FBXO25: variants seen among roughly 807,000 people sequenced by gnomAD.
FBXO25 encodes the protein F-box protein 25, also known as F-box only protein 25.
FBXO25 carries 45 observed loss-of-function variants against 51.9 expected under a neutral mutation model. The ratio of observed to expected loss-of-function variants is 0.87; its 90% confidence interval spans 0.68 to 1.11. The LOEUF is 1.11. Ranked by LOEUF, FBXO25 falls within the 50% of genes most tolerant of loss-of-function variation. The pLI, the probability that FBXO25 is intolerant of heterozygous loss-of-function variation, is 0.00. For missense variants in FBXO25, 507 were observed against 428.5 expected, an observed-to-expected ratio of 1.18 and a Z score of -1.62; for synonymous variants, 199 against 151.0, an observed-to-expected ratio of 1.32 and a Z score of -2.33.
At chr8:407,561 C>A (rs1404473797) in intron 1 of FBXO25, 1 of 525,452 alleles carries the variant, frequency 1.9e-6, no homozygotes, top group Non-Finnish European at 2.4e-6. Context: ...CCCGCCCCCA[C>A]CCTCCTGGGC....
intron 1 of FBXO25, among the ~76,000 whole-genome samples, 191 bp from the exon 2 acceptor site, chr8:412,882 T>TA (rs1363885533): frequency 3.3e-5 from 5 of 152,196 alleles, no homozygotes; most frequent in African/African-American, 1.2e-4. Flanking sequence ...CACGTTTACT[T>TA]ACCCCATTTG....
intron 2 of FBXO25, among the ~76,000 whole-genome samples, chr8:428,119 A>T (rs1420694197): frequency 6.6e-6 from 1 of 152,066 alleles, no homozygotes; most frequent in African/African-American, 2.4e-5. Context: ...TTCTACTTGG[A>T]GTTGTTTTGT....
chr8:464,416 C>T (rs1415919642), intron 9 of FBXO25, among the ~76,000 whole-genome samples: 1 of 152,210 alleles, frequency 6.6e-6, no homozygotes, highest in East Asian at 1.9e-4. Flanking sequence ...CCCTGCTGAG[C>T]TGCTGGCTGC....
chr8:463,712 A>G (rs1488754104), intron 9 of FBXO25, among the ~76,000 whole-genome samples: 1 of 152,246 alleles, frequency 6.6e-6, no homozygotes, highest in East Asian at 1.9e-4. Flanking sequence ...CTTATCTGCA[A>G]GTCTCATCCC....
At chr8:433,936 C>G (rs1305847038) in intron 4 of FBXO25, among the ~76,000 whole-genome samples, 3 of 152,180 alleles carry the variant, frequency 2.0e-5, no homozygotes, top group Non-Finnish European at 4.4e-5. Context: ...AGAATCTAAC[C>G]TAGTTTGTGA....
chr8:470,935 TAAAAG>T lies in FBXO25; in HGVS notation c.*2132_*2136del, dbSNP rs1159579759. Reference sequence around the variant, plus strand: ...GTCTTTTTTCATGTTAGTTTCTTCTTAAAAGGAAACTATCCTTTTGAAGTTGTGGT... The same window carrying T: ...GTCTTTTTTCATGTTAGTTTCTTCTTGAAACTATCCTTTTGAAGTTGTGGT... On this transcript the variant is annotated 3_prime_UTR_variant, in exon 10 of 10. Coordinates refer to ENST00000350302, the MANE Select transcript of FBXO25 (RefSeq NM_183420.2). The T allele has an allele frequency of 6.6e-6, 1 of 152,234 alleles. No homozygotes were observed. Among genetic ancestry groups the T allele is most frequent in the Non-Finnish European group, 1.5e-5 (1 of 68,038 alleles). 9.4% of individuals were successfully genotyped at this position (152,234 alleles called of 1,614,324 possible). A position where few individuals can be genotyped will look rare whatever the true frequency, so the allele number is the denominator to read the frequency against.
chr8:455,246 T>C (rs917660021), intron 7 of FBXO25, among the ~76,000 whole-genome samples: 1 of 152,308 alleles, frequency 6.6e-6, no homozygotes, highest in East Asian at 1.9e-4. Context: ...CCAAGGGTCA[T>C]TGAAAGGTCC....
intron 1 of FBXO25, among the ~76,000 whole-genome samples, chr8:407,930 A>T (rs997540150): frequency 6.6e-6 from 1 of 152,190 alleles, no homozygotes; most frequent in East Asian, 1.9e-4. Context: ...TTTGAAGACT[A>T]AAGAATCTAG....
Position 477,407 on chromosome 8 carries a change from T to A in FBXO25, c.*8603T>A, listed in dbSNP as rs1220119477. 6.6e-6 allele frequency: 1 copy of A among 152,278 alleles called. No homozygotes were observed. Among genetic ancestry groups the A allele is most frequent in the Non-Finnish European group, 1.5e-5 (1 of 68,056 alleles). The allele number at this position is 152,278 out of a possible 1,614,324, so 9.4% of individuals were successfully genotyped here. A position where few individuals can be genotyped will look rare whatever the true frequency, so the allele number is the denominator to read the frequency against. On this transcript the variant is annotated 3_prime_UTR_variant, in exon 10 of 10. Coordinates refer to ENST00000350302, the MANE Select transcript of FBXO25 (RefSeq NM_183420.2). ...CTATCCATTTCTTCCTTTGATTCTG[T>A]CAATGTTTGTTTCATATATTTTGGG...
In FBXO25 at chr8:435,505, A is replaced by C. The variant is rs1247962281; in HGVS notation, c.289-110A>C. ...AATCTAAAATCAGTCTTCAAAATAA[A>C]AACAAATTGTCCTTTGCCAAAAATT... On this transcript the variant is annotated intron_variant, in intron 4 of 9. Transcript: ENST00000350302. 9.1e-6 allele frequency: 10 copies of C among 1,104,728 alleles called. No homozygotes were observed. The East Asian group carries it at 2.3e-4, about 26-fold the overall frequency. The allele number at this position is 1,104,728 out of a possible 1,614,324, so 68.4% of individuals were successfully genotyped here.
intron 7 of FBXO25, among the ~76,000 whole-genome samples, chr8:457,522 G>C (rs1323437457): frequency 6.6e-6 from 1 of 152,208 alleles, no homozygotes. Context: ...TGAAGTCATA[G>C]AAATGTAAAG....
intron 6 of FBXO25, 42 bp downstream of exon 6, chr8:450,125 A>C: frequency 6.9e-7 from 1 of 1,448,694 alleles, no homozygotes; most frequent in Non-Finnish European, 9.6e-7. Flanking sequence ...AATCTTAATT[A>C]GAAATTTGGT....
chr8:413,829 G>A (rs113315994), intron 2 of FBXO25, among the ~76,000 whole-genome samples: 103 of 152,302 alleles, frequency 6.8e-4, no homozygotes, highest in African/African-American at 2.1e-3. Context: ...GAGCACTAGC[G>A]CAAGGGATGC....
rs1277406299 is a variant in FBXO25, at chr8:409,530, A to G, written c.-8+2464A>G. ...AAAAGAATTGGTTATATTAATGGAAACAGTAGGCAGGCTCTTTATGTAAAT... is the reference window on the plus strand; with the variant it reads ...AAAAGAATTGGTTATATTAATGGAAGCAGTAGGCAGGCTCTTTATGTAAAT... On this transcript the variant is annotated intron_variant, in intron 1 of 9. Transcript: ENST00000350302. 2.6e-4 allele frequency among the ~76,000 whole-genome samples: 39 copies of G among 152,234 alleles called. 1 individual carries two copies. Among genetic ancestry groups the G allele is most frequent in the Admixed American group, 2.6e-3 (39 of 15,282 alleles).
intron 2 of FBXO25, 81 bp downstream of exon 2, chr8:413,294 C>T (rs1293049226): frequency 2.2e-6 from 3 of 1,374,378 alleles, no homozygotes; most frequent in Non-Finnish European, 2.8e-6. Flanking sequence ...CCCTGCAAAG[C>T]TCCATAACTT....
rs189523692 is a variant in FBXO25 at position 445,084 on chromosome 8, G to A, written c.382-4906G>A. 1.1e-4 allele frequency among the ~76,000 whole-genome samples: 16 copies of A among 152,126 alleles called. 1 individual carries two copies. Among genetic ancestry groups the A allele is most frequent in the African/African-American group, 1.9e-4 (8 of 41,478 alleles). On this transcript the variant is annotated intron_variant, in intron 5 of 9. Transcript: ENST00000350302. The stretch of plus-strand genomic sequence containing the variant: ...ACAGTTTCTTTGTTAATTGTCTTTC[G>A]CCCTGTTATCTTAATTACCAGTTTA...
rs1005857495 is a variant in FBXO25 at position 471,886 on chromosome 8, A to G, written c.*3082A>G. 16 of 152,196 alleles carry G rather than the reference A, an allele frequency of 1.1e-4. No homozygotes were observed. Among genetic ancestry groups the G allele is most frequent in the African/African-American group, 3.1e-4 (13 of 41,444 alleles). The allele number at this position is 152,196 out of a possible 1,614,324, so 9.4% of individuals were successfully genotyped here. A position where few individuals can be genotyped will look rare whatever the true frequency, so the allele number is the denominator to read the frequency against. On this transcript the variant is annotated 3_prime_UTR_variant, in exon 10 of 10. Transcript: ENST00000350302. ...GCAAACTGTGTCTACTTTATGGAAAAAATTTAACCATCTGTGAACAGTTTT... is the reference window on the plus strand; with the variant it reads ...GCAAACTGTGTCTACTTTATGGAAAGAATTTAACCATCTGTGAACAGTTTT...
At chr8:415,947 G>A (rs1796773075) in intron 2 of FBXO25, among the ~76,000 whole-genome samples, 1 of 152,190 alleles carries the variant, frequency 6.6e-6, no homozygotes, top group Admixed American at 6.5e-5. Context: ...GCGCTGTTGA[G>A]GATATATAAG....
At chr8:423,911 C>T (rs1232032161) in intron 2 of FBXO25, among the ~76,000 whole-genome samples, 1 of 152,166 alleles carries the variant, frequency 6.6e-6, no homozygotes, top group Non-Finnish European at 1.5e-5. Flanking sequence ...TTCCCGTCAA[C>T]AGTGTATAAG....
Sources: allele counts gnomAD v4.1 joint callset (sites outside exome capture counted in the v4.1 genomes callset), GRCh38; gene constraint gnomAD v4.1.1; transcripts MANE v1.5; gene names NCBI Gene and HGNC (gene_info 2026-07-23, HGNC 2026-07-21).